The following IGF1R variants were observed in gnomAD, a reference collection of about 807,000 sequenced individuals.
IGF1R encodes the protein insulin-like growth factor 1 receptor.
Under a neutral mutation model 144.6 loss-of-function variants are expected in IGF1R, and 44 were observed. The observed-to-expected ratio is 0.30, with a 90% confidence interval of 0.24 to 0.39. IGF1R has a LOEUF of 0.39. IGF1R is among the 10% of genes least tolerant of loss of function. The pLI is 1.00. For synonymous variants in IGF1R, 795 were observed against 722.8 expected, an observed-to-expected ratio of 1.10 and a Z score of -1.60; for missense variants, 1,355 against 1,833.7, an observed-to-expected ratio of 0.74 and a Z score of 4.77.
chr15:98,788,627 G>A (rs1026236551), intron 2 of IGF1R, among the ~76,000 whole-genome samples: 11 of 152,148 alleles, frequency 7.2e-5, no homozygotes, highest in Admixed American at 2.6e-4. Flanking sequence ...GTTTGCAAAC[G>A]GTCTATACTG....
At chr15:98,738,064 A>T (rs1405158273) in intron 2 of IGF1R, among the ~76,000 whole-genome samples, 2 of 152,160 alleles carry the variant, frequency 1.3e-5, no homozygotes, top group African/African-American at 2.4e-5. Flanking sequence ...TTTTCTATAT[A>T]GCTTGGTCAT....
At chr15:98,945,533 G>C (rs1397683769) in intron 19 of IGF1R, among the ~76,000 whole-genome samples, 1 of 152,180 alleles carries the variant, frequency 6.6e-6, no homozygotes, top group Non-Finnish European at 1.5e-5. Context: ...TGAAATGGAA[G>C]ACTTGATTTT....
intron 2 of IGF1R, among the ~76,000 whole-genome samples, chr15:98,796,562 G>T (rs1225781071): frequency 2.6e-5 from 4 of 152,178 alleles, no homozygotes; most frequent in Non-Finnish European, 5.9e-5. Context: ...ATCAAACAGG[G>T]TGACCTCTCT....
rs1421719549 is a variant in IGF1R at position 98,704,721 on chromosome 15, G to A, written c.95-2841G>A. 6.6e-6 allele frequency among the ~76,000 whole-genome samples: 1 copy of A among 152,140 alleles called. No individual in the cohort carries two copies. Among genetic ancestry groups the A allele is most frequent in the Non-Finnish European group, 1.5e-5 (1 of 68,028 alleles). The stretch of plus-strand genomic sequence containing the variant: ...GGTGAGAGAGACCATGAAAAGAAGG[G>A]CCAGAGCGGTGTCCTGCAGAGGGTG... On this transcript the variant is annotated intron_variant, in intron 1 of 20. Transcript: ENST00000650285. This position sits in a 1 kb window ranked among gnomAD's most constrained non-coding sequence, Gnocchi z 4.9.
At chr15:98,738,271 A>G (rs1052023490) in intron 2 of IGF1R, among the ~76,000 whole-genome samples, 3 of 152,192 alleles carry the variant, frequency 2.0e-5, no homozygotes, top group Admixed American at 6.5e-5. Flanking sequence ...GCTGGACTCA[A>G]GGGATCCTTC....
rs775279275 is a variant in IGF1R at position 98,939,245 on chromosome 15, G to A, written c.3342G>A (p.Gln1114=). 6 of 1,613,928 alleles carry A rather than the reference G, an allele frequency of 3.7e-6. No homozygotes were observed. The African/African-American group carries it at 8.0e-5, about 22-fold the overall frequency. ...LAPPSLSKMI[Q]MAGEIADGMA... ...CTCCAAGCCTGAGCAAGATGATTCA[G>A]ATGGCCGGAGAGATTGCAGACGGCA... The change falls in exon 18 of 21, where the codon CAG becomes CAA. Residue 1114 remains glutamine, a synonymous_variant. Coordinates refer to ENST00000650285, the MANE Select transcript of IGF1R (RefSeq NM_000875.5).
At chr15:98,762,238 C>CTTTTTTTTT (rs5814898) in intron 2 of IGF1R, among the ~76,000 whole-genome samples, 5 of 95,750 alleles carry the variant, frequency 5.2e-5, no homozygotes, top group East Asian at 3.1e-4. Flanking sequence ...CTTTTCTTTT[C>CTTTTTTTTT]TTTTTTTTTT....
At chr15:98,733,490 T>A (rs1596247145) in intron 2 of IGF1R, among the ~76,000 whole-genome samples, 1 of 149,820 alleles carries the variant, frequency 6.7e-6, no homozygotes, top group Admixed American at 6.7e-5. Context: ...CTGAGAAGGT[T>A]TTTTTTTTTT....
Position 98,959,169 on chromosome 15 carries a change from T to C in IGF1R, c.*1727T>C, listed in dbSNP as rs1461783385. 8.6e-6 allele frequency: 2 copies of C among 233,384 alleles called. No individual in the cohort carries two copies. The highest frequency in any genetic ancestry group is 1.7e-5 in the Non-Finnish European group (2 of 118,028). The allele number at this position is 233,384 out of a possible 1,614,324, so 14.5% of individuals were successfully genotyped here. On this transcript the variant is annotated 3_prime_UTR_variant, in exon 21 of 21. Coordinates refer to ENST00000650285, the MANE Select transcript of IGF1R (RefSeq NM_000875.5). ...TGAGAAGCCTCACCCTCTCTTTCCCTTGCCTTTGCTTAGGTTGTGACACAC... is the reference window on the plus strand; with the variant it reads ...TGAGAAGCCTCACCCTCTCTTTCCCCTGCCTTTGCTTAGGTTGTGACACAC...
intron 2 of IGF1R, among the ~76,000 whole-genome samples, chr15:98,847,648 G>A (rs750061361): frequency 2.0e-5 from 3 of 152,180 alleles, no homozygotes; most frequent in Non-Finnish European, 2.9e-5. Context: ...AACCTTTGAG[G>A]TGCATTTTAG....
In IGF1R at chr15:98,750,397, G is replaced by A. The variant is rs564657240; in HGVS notation, c.640+42290G>A. Among the ~76,000 whole-genome samples the A allele has an allele frequency of 6.6e-5, 10 of 152,318 alleles. 2 individuals carry two copies. Among genetic ancestry groups the A allele is most frequent in the African/African-American group, 2.2e-4 (9 of 41,576 alleles). ...GATTTATCTAGTCCAGCTTCTCGTC[G>A]TCCAGGTGCAAAACTGATGCTCTGA... is the stretch of plus-strand genomic sequence containing the variant. On this transcript the variant is annotated intron_variant, in intron 2 of 20. Transcript: ENST00000650285.
intron 1 of IGF1R, among the ~76,000 whole-genome samples, chr15:98,688,387 C>T (rs920639541): frequency 2.0e-5 from 3 of 149,444 alleles, no homozygotes; most frequent in Admixed American, 6.7e-5. Context: ...CTTTCTTTCT[C>T]TCTTCGACTC....
At chr15:98,768,735 C>A (rs1436158499) in intron 2 of IGF1R, among the ~76,000 whole-genome samples, 7 of 107,568 alleles carry the variant, frequency 6.5e-5, no homozygotes, top group Non-Finnish European at 1.1e-4. Context: ...CTGGCTAACA[C>A]GGTGAAACCC....
intron 1 of IGF1R, among the ~76,000 whole-genome samples, chr15:98,653,262 C>T (rs1387945086): frequency 6.6e-6 from 1 of 152,124 alleles, no homozygotes; most frequent in African/African-American, 2.4e-5. Flanking sequence ...TCAGCTGAAT[C>T]TGAAATGATG....
intron 1 of IGF1R, among the ~76,000 whole-genome samples, chr15:98,678,408 T>C (rs2053101376): frequency 1.3e-5 from 2 of 152,174 alleles, no homozygotes; most frequent in South Asian, 4.1e-4. Context: ...CTTTTTACCT[T>C]CTCTGTAACA....
chr15:98,651,635 T>G (rs1395335089), intron 1 of IGF1R, among the ~76,000 whole-genome samples: 1 of 152,218 alleles, frequency 6.6e-6, no homozygotes, highest in East Asian at 1.9e-4. Flanking sequence ...ATAGGCTGTT[T>G]TTCTTTTGGA....
At chr15:98,776,430 C>G (rs536398412) in intron 2 of IGF1R, among the ~76,000 whole-genome samples, 1 of 152,138 alleles carries the variant, frequency 6.6e-6, no homozygotes, top group Non-Finnish European at 1.5e-5. Flanking sequence ...AGATGATCCA[C>G]GCGCCTTGGC....
chr15:98,952,663 C>T (rs529091419), intron 20 of IGF1R: 151 of 152,282 alleles, frequency 9.9e-4, no homozygotes, highest in African/African-American at 3.4e-3. Flanking sequence ...GGGATTCTTA[C>T]TTGGTCCACC....
In IGF1R at chr15:98,864,343, G is replaced by A. The variant is rs556249547; in HGVS notation, c.641-26982G>A. Among the ~76,000 whole-genome samples, 4 of 152,326 alleles carry A rather than the reference G, an allele frequency of 2.6e-5. No individual in the cohort carries two copies. The South Asian group carries it at 8.3e-4, about 32-fold the overall frequency. On this transcript the variant is annotated intron_variant, in intron 2 of 20. Transcript: ENST00000650285. ...ATTTCAGCAGTCCCAAATCTAATTG[G>A]TATGAAGAAATCATTATTCAGAATT...
Sources: allele counts gnomAD v4.1 joint callset (sites outside exome capture counted in the v4.1 genomes callset), GRCh38; gene constraint gnomAD v4.1.1; non-coding constraint Gnocchi (gnomAD v3.1); transcripts MANE v1.5; gene names NCBI Gene and HGNC (gene_info 2026-07-23, HGNC 2026-07-21).